Variants in KCTD16 observed in about 807,000 individuals in gnomAD.
The protein encoded by KCTD16 is BTB/POZ domain-containing protein KCTD16.
In KCTD16, 13 loss-of-function variants were observed where a neutral mutation model predicts 33.2. The observed-to-expected ratio is 0.39, with a 90% confidence interval of 0.25 to 0.62. The LOEUF (loss-of-function observed/expected upper bound fraction) is 0.62, where lower values mean the gene tolerates loss of function less well. KCTD16 is among the 20% of genes least tolerant of loss of function. The pLI is 0.50. For synonymous variants in KCTD16, 197 were observed against 195.3 expected (o/e 1.01, Z -0.07); for missense variants, 441 against 525.1 (o/e 0.84, Z 1.57).
chr5:144,299,898 T>TAAAAAAA (rs66821172), intron 3 of KCTD16, among the ~76,000 whole-genome samples: 41 of 128,804 alleles, frequency 3.2e-4, no homozygotes, highest in Non-Finnish European at 4.1e-4. Context: ...CAGAATCATT[T>TAAAAAAA]AAAAAAAAAA....
At chr5:144,243,964 C>T (rs1272392204) in intron 3 of KCTD16, among the ~76,000 whole-genome samples, 2 of 152,034 alleles carry the variant, frequency 1.3e-5, no homozygotes, top group East Asian at 1.9e-4. Context: ...AGGAGGGTCT[C>T]GATCTCCTGA....
chr5:144,275,950 G>A (rs1755426863), intron 3 of KCTD16, among the ~76,000 whole-genome samples: 1 of 152,202 alleles, frequency 6.6e-6, no homozygotes, highest in South Asian at 2.1e-4. Context: ...TCCTGACATT[G>A]TCATTCCAGG....
At chr5:144,238,978 G>A (rs1432885338) in intron 3 of KCTD16, among the ~76,000 whole-genome samples, 1 of 152,154 alleles carries the variant, frequency 6.6e-6, no homozygotes. Flanking sequence ...TGCTCTGATA[G>A]GAGCCAGCAT....
chr5:144,266,760 C>T (rs1354940328), intron 3 of KCTD16, among the ~76,000 whole-genome samples: 1 of 151,276 alleles, frequency 6.6e-6, no homozygotes, highest in Admixed American at 6.7e-5. Flanking sequence ...TATATGAACC[C>T]AGCTAATCAC....
At position 144,292,801 on chromosome 5, in the gene KCTD16, A is replaced by G. The variant is rs73312764; in HGVS notation, c.832+85255A>G. On this transcript the variant is annotated intron_variant, in intron 3 of 3. Transcript: ENST00000512467. ...CTCAACTTCCCACCCCTCAAGAGCAACCAGTGATCTTTGCCTGGTATTTAC... is the reference window on the plus strand; with the variant it reads ...CTCAACTTCCCACCCCTCAAGAGCAGCCAGTGATCTTTGCCTGGTATTTAC... Among the ~76,000 whole-genome samples, 1,456 of 152,294 alleles carry G rather than the reference A, an allele frequency of 9.6e-3. 30 individuals are homozygous for G. Among genetic ancestry groups the G allele is most frequent in the African/African-American group, 0.033 (1,352 of 41,558 alleles).
chr5:144,474,125 G>C lies in KCTD16; in HGVS notation c.*11G>C, dbSNP rs758381311. On this transcript the variant is annotated 3_prime_UTR_variant, in exon 4 of 4. Coordinates refer to ENST00000512467, the MANE Select transcript of KCTD16 (RefSeq NM_020768.4). ...AAGTATCATCTATAAGGGAGGGCTG[G>C]GGGCGGGAAAAGAAAAAAAAAAGTC... 3.2e-6 allele frequency: 5 copies of C among 1,548,346 alleles called. No individual in the cohort carries two copies. In the South Asian group the frequency reaches 6.0e-5, roughly 19 times the overall value.
chr5:144,431,067 T>G (rs1403392876), intron 3 of KCTD16, among the ~76,000 whole-genome samples: 4 of 152,120 alleles, frequency 2.6e-5, no homozygotes, highest in Non-Finnish European at 5.9e-5. Context: ...AATTCCAGAT[T>G]AAGGACCCTT....
chr5:144,180,318 T>C (rs1414437567), intron 2 of KCTD16, among the ~76,000 whole-genome samples: 1 of 151,764 alleles, frequency 6.6e-6, no homozygotes, highest in Non-Finnish European at 1.5e-5. Context: ...CAAGGGGGAG[T>C]GGATCCATGC....
In KCTD16 at chr5:144,398,708, A is replaced by ACTCTCTCTCTCTCTCT. The variant is rs367796082; in HGVS notation, c.833-74943_833-74928dup. 8.0e-3 allele frequency among the ~76,000 whole-genome samples: 1,170 copies of ACTCTCTCTCTCTCTCT among 145,488 alleles called. 14 individuals are homozygous for ACTCTCTCTCTCTCTCT. Among genetic ancestry groups the ACTCTCTCTCTCTCTCT allele is most frequent in the African/African-American group, 0.027 (1,094 of 39,792 alleles). ...CTTTGAATATATTACACACACACAC[A>ACTCTCTCTCTCTCTCT]CTCTCTCTCTCTCTCTCTCTCTCTT... On this transcript the variant is annotated intron_variant, in intron 3 of 3. Coordinates refer to ENST00000512467, the MANE Select transcript of KCTD16 (RefSeq NM_020768.4).
intron 3 of KCTD16, among the ~76,000 whole-genome samples, chr5:144,416,768 T>A (rs1753063840): frequency 6.6e-6 from 1 of 152,144 alleles, no homozygotes; most frequent in Non-Finnish European, 1.5e-5. Flanking sequence ...CATTAACCAG[T>A]TTTTCCCCAT....
intron 3 of KCTD16, among the ~76,000 whole-genome samples, chr5:144,308,586 T>C (rs1215135608): frequency 6.6e-6 from 1 of 152,242 alleles, no homozygotes; most frequent in African/African-American, 2.4e-5. Context: ...CATCCTATGC[T>C]GGTTTGACTG....
chr5:144,452,807 C>T (rs968137463), intron 3 of KCTD16, among the ~76,000 whole-genome samples: 1 of 151,536 alleles, frequency 6.6e-6, no homozygotes, highest in Non-Finnish European at 1.5e-5. Context: ...AGCCTCACAC[C>T]AAGAGTATAG....
chr5:144,244,996 G>A (rs1443797317), intron 3 of KCTD16, among the ~76,000 whole-genome samples: 2 of 152,164 alleles, frequency 1.3e-5, no homozygotes, highest in African/African-American at 4.8e-5. Context: ...AGATTAGAAA[G>A]CTCCAGATAT....
At chr5:144,429,470 A>G (rs1197296545) in intron 3 of KCTD16, among the ~76,000 whole-genome samples, 1 of 152,122 alleles carries the variant, frequency 6.6e-6, no homozygotes, top group Non-Finnish European at 1.5e-5. Context: ...GACCCAAGAT[A>G]TAGAATTTTC....
intron 3 of KCTD16, among the ~76,000 whole-genome samples, chr5:144,223,615 C>T (rs781052903): frequency 4.7e-4 from 71 of 151,330 alleles, no homozygotes; most frequent in Non-Finnish European, 6.5e-4. Context: ...CTGTAAACTG[C>T]AATGCTGGAT....
At chr5:144,422,036 A>T (rs1300348629) in intron 3 of KCTD16, among the ~76,000 whole-genome samples, 1 of 152,182 alleles carries the variant, frequency 6.6e-6, no homozygotes, top group African/African-American at 2.4e-5. Context: ...ACAGAATTTC[A>T]ACCAATGTCC....
intron 3 of KCTD16, among the ~76,000 whole-genome samples, chr5:144,385,725 A>G (rs1408684571): frequency 6.6e-6 from 1 of 152,210 alleles, no homozygotes; most frequent in Non-Finnish European, 1.5e-5. Flanking sequence ...CTCTGGACCA[A>G]TAAACTGCTT....
chr5:144,377,298 T>G (rs1752115895), intron 3 of KCTD16, among the ~76,000 whole-genome samples: 1 of 152,146 alleles, frequency 6.6e-6, no homozygotes, highest in African/African-American at 2.4e-5. Context: ...AGTGGCTGGA[T>G]ATCAGGCTAT....
At chr5:144,171,625 A>G (rs1752386237) in intron 1 of KCTD16, among the ~76,000 whole-genome samples, 1 of 152,186 alleles carries the variant, frequency 6.6e-6, no homozygotes, top group East Asian at 1.9e-4. Context: ...CTCTCCAGAC[A>G]TTGCCAAATC....
Sources: allele counts gnomAD v4.1 joint callset (sites outside exome capture counted in the v4.1 genomes callset), GRCh38; gene constraint gnomAD v4.1.1; transcripts MANE v1.5; gene names NCBI Gene and HGNC (gene_info 2026-07-23, HGNC 2026-07-21).